Variants in RBFOX1 observed in about 807,000 individuals in gnomAD.
RBFOX1 encodes RNA binding protein fox-1 homolog 1.
A neutral mutation model predicts 57.7 loss-of-function variants in RBFOX1; 8 were observed. The observed-to-expected ratio is 0.14, with a 90% CI of 0.08 to 0.25. The LOEUF is 0.25. RBFOX1 is among the 10% of genes least tolerant of loss of function. RBFOX1 has a pLI of 1.00. For missense variants in RBFOX1, 611 were observed against 548.5 expected, an observed-to-expected ratio of 1.11 and a Z score of -1.14; for synonymous variants, 326 against 222.4, an observed-to-expected ratio of 1.47 and a Z score of -4.15.
chr16:7,180,476 A>G (rs948757914), intron 4 of RBFOX1, among the ~76,000 whole-genome samples: 1 of 152,300 alleles, frequency 6.6e-6, no homozygotes, highest in African/African-American at 2.4e-5. Context: ...CAGAAAGTCT[A>G]CACCACGTTT....
intron 5 of RBFOX1, among the ~76,000 whole-genome samples, chr16:7,567,740 T>TAC (rs200347182): frequency 0.06 from 175 of 2,928 alleles, 2 homozygotes; most frequent in African/African-American, 0.1. Context: ...ATATAATCCC[T>TAC]ATATATATCC....
intron 3 of RBFOX1, among the ~76,000 whole-genome samples, chr16:5,732,159 T>C (rs897409302): frequency 1.3e-4 from 20 of 152,328 alleles, no homozygotes; most frequent in African/African-American, 4.6e-4. Context: ...TTTCAGCATT[T>C]GATAGGAAAT....
At chr16:5,657,282 C>G (rs2049461526) in intron 3 of RBFOX1, among the ~76,000 whole-genome samples, 1 of 152,162 alleles carries the variant, frequency 6.6e-6, no homozygotes, top group African/African-American at 2.4e-5. Flanking sequence ...ACATTAACAG[C>G]CCTAATAATA....
chr16:7,430,746 C>T (rs956308718), intron 4 of RBFOX1, among the ~76,000 whole-genome samples: 1 of 151,952 alleles, frequency 6.6e-6, no homozygotes, highest in Non-Finnish European at 1.5e-5. Context: ...ACTTCAAGTT[C>T]AGTGGCCAGG....
At chr16:7,059,366 C>T (rs1403089601) in intron 4 of RBFOX1, among the ~76,000 whole-genome samples, 36 of 152,130 alleles carry the variant, frequency 2.4e-4, no homozygotes, top group Non-Finnish European at 4.4e-5. Context: ...TGTAGAAATG[C>T]CTGCTTCTGT....
chr16:7,417,490 C>A (rs1051475024), intron 4 of RBFOX1, among the ~76,000 whole-genome samples: 3 of 151,456 alleles, frequency 2.0e-5, no homozygotes, highest in African/African-American at 7.3e-5. Context: ...TGATCCAATG[C>A]ATCCGCCTTA....
intron 4 of RBFOX1, among the ~76,000 whole-genome samples, chr16:6,013,861 G>GA (rs925374244): frequency 5.6e-5 from 8 of 141,774 alleles, no homozygotes; most frequent in Admixed American, 1.5e-4. Flanking sequence ...CTATGGCAAG[G>GA]AAAAAAAAAC....
chr16:5,780,488 A>C (rs1398381709), intron 3 of RBFOX1, among the ~76,000 whole-genome samples: 2 of 152,268 alleles, frequency 1.3e-5, no homozygotes, highest in Middle Eastern at 3.2e-3. Flanking sequence ...TAAAATCATA[A>C]TATCACGTTG....
At chr16:5,942,131 C>G (rs2059293050) in intron 4 of RBFOX1, among the ~76,000 whole-genome samples, 1 of 152,100 alleles carries the variant, frequency 6.6e-6, no homozygotes. Flanking sequence ...GCCAATTTAT[C>G]TAGACAGGGG....
chr16:6,499,075 G>A (rs572048964), intron 2 of RBFOX1, among the ~76,000 whole-genome samples: 1 of 152,332 alleles, frequency 6.6e-6, no homozygotes, highest in East Asian at 1.9e-4. Context: ...TCGCACAACT[G>A]TGTTTATTCA....
Position 6,504,870 on chromosome 16 carries a change from A to T in RBFOX1, c.-63-149733A>T, listed in dbSNP as rs576528045. Among the ~76,000 whole-genome samples, 72 of 151,838 alleles carry T rather than the reference A, an allele frequency of 4.7e-4. 4 individuals carry two copies. In the East Asian group the frequency reaches 0.013, roughly 28 times the overall value. On this transcript the variant is annotated intron_variant, in intron 2 of 15. Coordinates refer to ENST00000550418, the MANE Select transcript of RBFOX1 (RefSeq NM_018723.4). ...GGAGTTCAAGACTAGCCTGCCCAACATGGTGAAACTCTGTCTCTACTAAAA... is the reference window on the plus strand; with the variant it reads ...GGAGTTCAAGACTAGCCTGCCCAACTTGGTGAAACTCTGTCTCTACTAAAA...
intron 4 of RBFOX1, among the ~76,000 whole-genome samples, chr16:5,909,778 G>C (rs570736806): frequency 6.6e-6 from 1 of 152,146 alleles, no homozygotes; most frequent in Non-Finnish European, 1.5e-5. Flanking sequence ...GTGGCTGGGC[G>C]TGGTGGCTCA....
At chr16:6,944,836 G>T (rs1024908664) in intron 3 of RBFOX1, among the ~76,000 whole-genome samples, 1 of 152,138 alleles carries the variant, frequency 6.6e-6, no homozygotes, top group Admixed American at 6.5e-5. Flanking sequence ...GGTATGATTT[G>T]TCAGAATCCA....
At chr16:6,602,537 T>C (rs1393650064) in intron 2 of RBFOX1, among the ~76,000 whole-genome samples, 2 of 152,078 alleles carry the variant, frequency 1.3e-5, no homozygotes, top group African/African-American at 4.8e-5. Context: ...TTGATGTTCT[T>C]ACAGAAAGGC....
intron 3 of RBFOX1, among the ~76,000 whole-genome samples, chr16:6,915,235 C>G (rs933153196): frequency 1.3e-5 from 2 of 152,138 alleles, no homozygotes; most frequent in African/African-American, 4.8e-5. Context: ...CTGGATGAAG[C>G]CTGTGGTCCT....
At position 6,985,106 on chromosome 16, in the gene RBFOX1, C is replaced by A. The variant is rs371495560; in HGVS notation, c.-15-66951C>A. Among the ~76,000 whole-genome samples, 75 of 152,148 alleles carry A rather than the reference C, an allele frequency of 4.9e-4. 1 individual carries two copies. The highest frequency in any genetic ancestry group is 1.6e-3 in the African/African-American group (68 of 41,496). On this transcript the variant is annotated intron_variant, in intron 3 of 15. Coordinates refer to ENST00000550418, the MANE Select transcript of RBFOX1 (RefSeq NM_018723.4). The stretch of plus-strand genomic sequence containing the variant: ...CTGGAATTTCCTCTCCCCTCTCCTT[C>A]CTTCCCCTACCCTACCCTACCCTAC...
At chr16:6,729,281 G>C (rs150219592) in intron 3 of RBFOX1, among the ~76,000 whole-genome samples, 40 of 152,240 alleles carry the variant, frequency 2.6e-4, no homozygotes, top group African/African-American at 9.1e-4. Context: ...GGGACCTGAC[G>C]ATCAAGATTT....
intron 4 of RBFOX1, among the ~76,000 whole-genome samples, chr16:7,245,687 A>T (rs539965864): frequency 6.6e-6 from 1 of 152,218 alleles, no homozygotes; most frequent in Admixed American, 6.5e-5. Flanking sequence ...TTGTTTGTTG[A>T]AAGATGTTTG....
intron 2 of RBFOX1, among the ~76,000 whole-genome samples, chr16:6,539,704 A>G (rs900373354): frequency 6.6e-6 from 1 of 151,972 alleles, no homozygotes; most frequent in African/African-American, 2.4e-5. Context: ...AGGCTGAGGC[A>G]GGAGAATTGC....
Sources: gnomAD v4.1 joint callset for allele counts (sites outside exome capture counted in the v4.1 genomes callset) on GRCh38, gnomAD v4.1.1 for gene constraint, MANE v1.5 for transcripts, NCBI Gene and HGNC (gene_info 2026-07-23, HGNC 2026-07-21) for gene names.